The following SNTB2 variants were observed in gnomAD, a reference collection of about 807,000 sequenced individuals.
SNTB2 encodes syntrophin beta 2, also known as beta-2-syntrophin.
SNTB2 carries 34 observed loss-of-function variants against 46.2 expected under a neutral mutation model. The observed-to-expected ratio is 0.74, with a 90% confidence interval of 0.56 to 0.98. SNTB2 has a LOEUF of 0.98. Among genes scored for constraint, SNTB2 ranks in the 50% least tolerant of loss-of-function variants. The pLI is 0.00. For synonymous variants in SNTB2, 290 were observed against 312.6 expected (o/e 0.93, Z 0.76); for missense variants, 603 against 731.4 (o/e 0.82, Z 2.02).
chr16:69,271,976 G>A (rs186418343), intron 4 of SNTB2, among the ~76,000 whole-genome samples: 100 of 152,186 alleles, frequency 6.6e-4, no homozygotes, highest in Middle Eastern at 6.8e-3. Context: ...TTGCAAGTAG[G>A]GAAAAGATAC....
intron 5 of SNTB2, among the ~76,000 whole-genome samples, chr16:69,294,596 TGTG>T (rs1442938828): frequency 2.7e-5 from 4 of 150,018 alleles, no homozygotes; most frequent in Non-Finnish European, 5.9e-5. Flanking sequence ...AGCAGGGCGT[TGTG>T]GTGCGCCCCT....
At chr16:69,212,939 A>AT (rs372966519) in intron 1 of SNTB2, among the ~76,000 whole-genome samples, 3 of 152,078 alleles carry the variant, frequency 2.0e-5, no homozygotes, top group African/African-American at 7.2e-5. Context: ...AGCCTATGTT[A>AT]TTTTTTTACT....
rs1965332436 is a variant in SNTB2, at chr16:69,308,601, G to T, written c.*7677G>T. On this transcript the variant is annotated 3_prime_UTR_variant, in exon 7 of 7. Coordinates refer to ENST00000336278, the MANE Select transcript of SNTB2 (RefSeq NM_006750.4). ...CACTACCTATTGAAGGCCTGTTTTG[G>T]CTAATCTGTGCAAACTCTGATGATA... The T allele has an allele frequency of 6.6e-6, 1 of 152,126 alleles. No individual in the cohort carries two copies. The highest frequency in any genetic ancestry group is 1.5e-5 in the Non-Finnish European group (1 of 68,016). 9.4% of individuals were successfully genotyped at this position (152,126 alleles called of 1,614,324 possible).
chr16:69,242,167 T>C (rs1964623382), intron 1 of SNTB2, among the ~76,000 whole-genome samples: 1 of 152,094 alleles, frequency 6.6e-6, no homozygotes, highest in Non-Finnish European at 1.5e-5. Flanking sequence ...GGCTCATGCT[T>C]GTAATCCCAA....
rs1454975636 is a variant in SNTB2, at chr16:69,307,015, T to C, written c.*6091T>C. 1 of 152,228 alleles carries C rather than the reference T, an allele frequency of 6.6e-6. No homozygotes were observed. The highest frequency in any genetic ancestry group is 6.5e-5 in the Admixed American group (1 of 15,284). 9.4% of individuals were successfully genotyped at this position (152,228 alleles called of 1,614,324 possible). A position where few individuals can be genotyped will look rare whatever the true frequency, so the allele number is the denominator to read the frequency against. ...TTTCTCAGTTTGCAATAATCTTACG[T>C]CCATGCTATTGACACTAATTTTGAA... On this transcript the variant is annotated 3_prime_UTR_variant, in exon 7 of 7. Coordinates refer to ENST00000336278, the MANE Select transcript of SNTB2 (RefSeq NM_006750.4).
chr16:69,252,555 A>G (rs567024412), intron 2 of SNTB2, among the ~76,000 whole-genome samples: 1 of 152,342 alleles, frequency 6.6e-6, no homozygotes, highest in East Asian at 1.9e-4. Flanking sequence ...TGTAAAAGGT[A>G]AATTTTGCCT....
chr16:69,201,395 T>C (rs763077037), intron 1 of SNTB2, among the ~76,000 whole-genome samples: 49 of 152,156 alleles, frequency 3.2e-4, no homozygotes, highest in Non-Finnish European at 5.4e-4. Context: ...GGCCAACTTA[T>C]TTATGTGATG....
chr16:69,282,364 C>G (rs1427476960), intron 4 of SNTB2, among the ~76,000 whole-genome samples: 1 of 150,656 alleles, frequency 6.6e-6, no homozygotes, highest in Admixed American at 6.6e-5. Flanking sequence ...GCTTGAATCA[C>G]CTGTGTTTCT....
chr16:69,187,415 G>A lies in SNTB2; in HGVS notation c.249G>A (p.Leu83=). The A allele has an allele frequency of 8.2e-7, 1 of 1,224,480 alleles. No individual in the cohort carries two copies. 75.9% of individuals were successfully genotyped at this position (1,224,480 alleles called of 1,614,324 possible). Residue 83 remains leucine (L), a synonymous_variant, in exon 1 of 7, where the codon CTG becomes CTA. Transcript: ENST00000336278. ...ACGGCGGCGGCGCGGGCGACTCGCT[G>A]CCCGGGAGCCCAAGCCGCGGCCTGG... ...LPNGGGAGDS[L]PGSPSRGLGP...
intron 5 of SNTB2, among the ~76,000 whole-genome samples, chr16:69,291,986 G>A (rs1036712554): frequency 6.6e-6 from 1 of 151,594 alleles, no homozygotes; most frequent in African/African-American, 2.4e-5. Context: ...TTGGGAGGCC[G>A]AGGTGGGCGG....
intron 4 of SNTB2, among the ~76,000 whole-genome samples, chr16:69,271,880 A>G (rs1220583909): frequency 2.0e-5 from 3 of 152,216 alleles, no homozygotes; most frequent in Non-Finnish European, 4.4e-5. Context: ...TTTCTTGGCT[A>G]TAGAGTAGAT....
At chr16:69,206,413 T>C (rs1365488017) in intron 1 of SNTB2, among the ~76,000 whole-genome samples, 1 of 152,078 alleles carries the variant, frequency 6.6e-6, no homozygotes, top group Non-Finnish European at 1.5e-5. Flanking sequence ...CAAGAAAATA[T>C]TTTCTAGGCC....
At position 69,306,170 on chromosome 16, in the gene SNTB2, T is replaced by C. The variant is rs1472195860; in HGVS notation, c.*5246T>C. 6.6e-6 allele frequency: 1 copy of C among 152,124 alleles called. No individual in the cohort carries two copies. The highest frequency in any genetic ancestry group is 1.5e-5 in the Non-Finnish European group (1 of 68,022). 9.4% of individuals were successfully genotyped at this position (152,124 alleles called of 1,614,324 possible). On this transcript the variant is annotated 3_prime_UTR_variant, in exon 7 of 7. Coordinates refer to ENST00000336278, the MANE Select transcript of SNTB2 (RefSeq NM_006750.4). ...GACACAAATTCATTCTCTTAAAGGA[T>C]AGAATTTCAAGTTAAGGATAAGGCA...
In SNTB2 at chr16:69,303,278, T is replaced by C. The variant is rs1205419570; in HGVS notation, c.*2354T>C. On this transcript the variant is annotated 3_prime_UTR_variant, in exon 7 of 7. Transcript: ENST00000336278. Reference sequence around the variant, plus strand: ...CCCTCAGGTAGGCAATCTTGAACCCTCTATGCAGTGAGAGCATTATTAATA... The same window carrying C: ...CCCTCAGGTAGGCAATCTTGAACCCCCTATGCAGTGAGAGCATTATTAATA... 3 of 152,222 alleles carry C rather than the reference T, an allele frequency of 2.0e-5. No homozygotes were observed. Among genetic ancestry groups the C allele is most frequent in the Admixed American group, 6.5e-5 (1 of 15,282 alleles). The allele number at this position is 152,222 out of a possible 1,614,324, so 9.4% of individuals were successfully genotyped here.
At chr16:69,297,123 G>A (rs1441862695) in intron 5 of SNTB2, among the ~76,000 whole-genome samples, 1 of 151,224 alleles carries the variant, frequency 6.6e-6, no homozygotes, top group Admixed American at 6.6e-5. Flanking sequence ...TGGGCAAGAT[G>A]GCAAAACCCC....
chr16:69,239,163 T>C (rs1156714373), intron 1 of SNTB2, among the ~76,000 whole-genome samples: 2 of 152,012 alleles, frequency 1.3e-5, no homozygotes, highest in African/African-American at 4.8e-5. Context: ...AACTCCCCCA[T>C]CTCCTAAAGT....
intron 1 of SNTB2, among the ~76,000 whole-genome samples, chr16:69,219,712 T>G (rs903622313): frequency 8.2e-4 from 122 of 148,772 alleles, no homozygotes; most frequent in Non-Finnish European, 1.1e-3. Context: ...AACCAGATTT[T>G]ATTTTATTTT....
chr16:69,274,652 CAAAAAAAA>C (rs758148568), intron 4 of SNTB2, among the ~76,000 whole-genome samples: 1 of 66,764 alleles, frequency 1.5e-5, no homozygotes, highest in Non-Finnish European at 3.1e-5. Flanking sequence ...GACTCCATCT[CAAAAAAAA>C]AAAAAAAAAA....
intron 1 of SNTB2, among the ~76,000 whole-genome samples, chr16:69,224,492 TGAGCC>T (rs1964439945): frequency 6.6e-6 from 1 of 152,242 alleles, no homozygotes; most frequent in Admixed American, 6.5e-5. Flanking sequence ...ATTACAGGCG[TGAGCC>T]ACTGTTTCCT....
Sources: allele counts gnomAD v4.1 joint callset (sites outside exome capture counted in the v4.1 genomes callset), GRCh38; gene constraint gnomAD v4.1.1; transcripts MANE v1.5; gene names NCBI Gene and HGNC (gene_info 2026-07-23, HGNC 2026-07-21).